GNAT3: variants seen among roughly 807,000 people sequenced by gnomAD.
GNAT3 encodes the protein G protein subunit alpha transducin 3, also known as guanine nucleotide-binding protein G(t) subunit alpha-3.
GNAT3 carries 31 observed loss-of-function variants against 37.7 expected under a neutral mutation model. That is an observed-to-expected ratio of 0.82 (90% CI 0.62 to 1.11). The LOEUF is 1.11. GNAT3 is among the 50% of genes most tolerant of loss of function. The probability of loss-of-function intolerance (pLI) is 0.00; values close to 1 mark genes in which losing one functional copy is unlikely to be tolerated. For missense variants in GNAT3, 437 were observed against 412.5 expected, an observed-to-expected ratio of 1.06 and a Z score of -0.51; for synonymous variants, 138 against 139.8, an observed-to-expected ratio of 0.99 and a Z score of 0.09.
At chr7:80,499,224 A>C (rs1790790361) in intron 1 of GNAT3, among the ~76,000 whole-genome samples, 1 of 152,220 alleles carries the variant, frequency 6.6e-6, no homozygotes, top group Non-Finnish European at 1.5e-5. Context: ...AAAGTTTCAG[A>C]TCTGTCTTCA....
chr7:80,481,061 G>T (rs1251646183), intron 3 of GNAT3, among the ~76,000 whole-genome samples: 1 of 151,880 alleles, frequency 6.6e-6, no homozygotes, highest in Non-Finnish European at 1.5e-5. Context: ...ATTGACTACA[G>T]TTTTTTTCTA....
At chr7:80,475,353 C>T (rs1790285584) in intron 4 of GNAT3, among the ~76,000 whole-genome samples, 1 of 142,154 alleles carries the variant, frequency 7.0e-6, no homozygotes. Flanking sequence ...GAGATAATGT[C>T]TTCATACTAA....
intron 3 of GNAT3, among the ~76,000 whole-genome samples, chr7:80,479,457 C>T (rs113232917): frequency 0.025 from 3,816 of 151,614 alleles, 165 homozygotes; most frequent in African/African-American, 0.086. Context: ...TGGTGGCTAA[C>T]GCCTATAATC....
chr7:80,494,664 G>A lies in GNAT3; in HGVS notation c.119-17C>T. 7.0e-7 allele frequency: 1 copy of A among 1,437,900 alleles called. No homozygotes were observed. The allele number at this position is 1,437,900 out of a possible 1,614,324, so 89.1% of individuals were successfully genotyped here. ...CTCCTGCTCCTGCAACATAAAAAGA[G>A]GAATATTATTAACTGATATACCAAA... On this transcript the variant is annotated splice_polypyrimidine_tract_variant and intron_variant, in intron 1 of 7. Transcript: ENST00000398291.
rs759644767 is a variant in GNAT3 at position 80,494,667 on chromosome 7, ATAT to A, written c.119-23_119-21del. On this transcript the variant is annotated intron_variant, in intron 1 of 7. Transcript: ENST00000398291. ...CTGCTCCTGCAACATAAAAAGAGGA[ATAT>A]TATTAACTGATATACCAAATTTGAA... is the stretch of plus-strand genomic sequence containing the variant. The A allele has an allele frequency of 1.4e-6, 2 of 1,418,774 alleles. No individual in the cohort carries two copies. The highest frequency in any genetic ancestry group is 1.9e-5 in the Admixed American group (1 of 52,844). 87.9% of individuals were successfully genotyped at this position (1,418,774 alleles called of 1,614,324 possible). A position where few individuals can be genotyped will look rare whatever the true frequency, so the allele number is the denominator to read the frequency against.
intron 1 of GNAT3, among the ~76,000 whole-genome samples, chr7:80,508,235 G>T (rs1032104253): frequency 4.6e-5 from 7 of 151,404 alleles, no homozygotes; most frequent in Admixed American, 4.6e-4. Flanking sequence ...CTTTCCATGG[G>T]GCTTCAAATC....
chr7:80,459,700 A>C (rs771793663), intron 7 of GNAT3, among the ~76,000 whole-genome samples: 29 of 152,204 alleles, frequency 1.9e-4, no homozygotes, highest in Non-Finnish European at 3.7e-4. Context: ...AGGGGACTTG[A>C]CACAGAATAG....
intron 3 of GNAT3, among the ~76,000 whole-genome samples, chr7:80,483,462 A>C (rs1790425138): frequency 2.0e-5 from 3 of 152,162 alleles, no homozygotes; most frequent in African/African-American, 7.2e-5. Context: ...TAGCTTCCTC[A>C]TAACGGCCAA....
In GNAT3 at chr7:80,511,963, G is replaced by A. The variant is rs757199175; in HGVS notation, c.-37C>T. The A allele has an allele frequency of 4.1e-6, 6 of 1,460,574 alleles. No homozygotes were observed. In the African/African-American group the frequency reaches 8.3e-5, roughly 20 times the overall value. 90.5% of individuals were successfully genotyped at this position (1,460,574 alleles called of 1,614,324 possible). A position where few individuals can be genotyped will look rare whatever the true frequency, so the allele number is the denominator to read the frequency against. On this transcript the variant is annotated 5_prime_UTR_variant, in exon 1 of 8. Transcript: ENST00000398291. ...AGATACTTGTCAGTTTATATGTTCA[G>A]ATTTTTCAAATGTTGAGCACAGCTG...
chr7:80,511,916 C>G lies in GNAT3; in HGVS notation c.11G>C (p.Gly4Ala). 1 of 1,607,560 alleles carries G rather than the reference C, an allele frequency of 6.2e-7. No homozygotes were observed. The highest frequency in any genetic ancestry group is 8.5e-7 in the Non-Finnish European group (1 of 1,175,204). The change falls in exon 1 of 8, where the codon GGA becomes GCA. Residue 4 changes from glycine (G) to alanine (A), a missense_variant. Transcript: ENST00000398291. MGS[G>A]ISSESKESAK... ...TGACTCCTTGCTCTCTGAACTAATT[C>G]CACTTCCCATCTTGTGGTGGTAGAT... is the stretch of plus-strand genomic sequence containing the variant.
At chr7:80,498,174 T>TA (rs1157927006) in intron 1 of GNAT3, among the ~76,000 whole-genome samples, 5 of 152,130 alleles carry the variant, frequency 3.3e-5, no homozygotes, top group Non-Finnish European at 7.4e-5. Context: ...CTGTACTTCA[T>TA]AAATATGGCC....
intron 2 of GNAT3, among the ~76,000 whole-genome samples, chr7:80,490,717 A>G (rs1334618958): frequency 2.0e-5 from 3 of 152,210 alleles, no homozygotes; most frequent in Non-Finnish European, 2.9e-5. Context: ...AGTAGATACA[A>G]TTATGATCTA....
intron 4 of GNAT3, among the ~76,000 whole-genome samples, chr7:80,478,112 T>C (rs980323541): frequency 4.6e-5 from 7 of 152,230 alleles, no homozygotes; most frequent in African/African-American, 1.4e-4. Context: ...GGCTTTGCCA[T>C]GTAACCCAGG....
rs149767839 is a variant in GNAT3, at chr7:80,497,561, T to C, written c.119-2914A>G. 2.0e-3 allele frequency among the ~76,000 whole-genome samples: 277 copies of C among 141,820 alleles called. 3 individuals carry two copies. Among genetic ancestry groups the C allele is most frequent in the African/African-American group, 7.0e-3 (257 of 36,612 alleles). The allele number at this position is 141,820 out of a possible 152,430, so 93.0% of individuals were successfully genotyped here. A position where few individuals can be genotyped will look rare whatever the true frequency, so the allele number is the denominator to read the frequency against. ...ATATATACACATATACGTATATACA[T>C]ATACGTATATACATATACGTATATA... is the stretch of plus-strand genomic sequence containing the variant. On this transcript the variant is annotated intron_variant, in intron 1 of 7. Transcript: ENST00000398291.
Position 80,511,887 on chromosome 7 carries a change from T to G in GNAT3, c.40A>C (p.Lys14Gln), listed in dbSNP as rs1173010829. 9 of 1,612,186 alleles carry G rather than the reference T, an allele frequency of 5.6e-6. No individual in the cohort carries two copies. Among genetic ancestry groups the G allele is most frequent in the Non-Finnish European group, 7.6e-6 (9 of 1,178,936 alleles). The change falls in exon 1 of 8, where the codon AAA becomes CAA. Residue 14 changes from lysine to glutamine, a missense_variant. Physicochemically the swap from Lys to Gln is moderately conservative, Grantham distance 53. Coordinates refer to ENST00000398291, the MANE Select transcript of GNAT3 (RefSeq NM_001102386.3). The stretch of plus-strand genomic sequence containing the variant: ...TTTTTCTCCAGTTCTTTTGATCTTT[T>G]GGCTGACTCCTTGCTCTCTGAACTA... ...GISSESKESA[K>Q]RSKELEKKLQ...
At chr7:80,508,268 T>C (rs1330888751) in intron 1 of GNAT3, among the ~76,000 whole-genome samples, 1 of 148,118 alleles carries the variant, frequency 6.8e-6, no homozygotes, top group Non-Finnish European at 1.5e-5. Flanking sequence ...GTGATGGAAA[T>C]TTGCAAAAAA....
chr7:80,479,332 C>T (rs758855245), intron 3 of GNAT3, among the ~76,000 whole-genome samples: 11 of 151,580 alleles, frequency 7.3e-5, no homozygotes, highest in Non-Finnish European at 1.3e-4. Flanking sequence ...ACATATTATA[C>T]CAAGGTAAAA....
At chr7:80,486,730 C>T (rs1790491500) in intron 3 of GNAT3, 1 of 149,934 alleles carries the variant, frequency 6.7e-6, no homozygotes, top group Non-Finnish European at 1.5e-5. Flanking sequence ...TTGCCTCAGC[C>T]TCCCAAGATG....
chr7:80,476,847 C>G (rs1470161129), intron 4 of GNAT3, among the ~76,000 whole-genome samples: 1 of 151,620 alleles, frequency 6.6e-6, no homozygotes, highest in South Asian at 2.1e-4. Flanking sequence ...TTTAAGGACA[C>G]CTAAGAGCAG....
Sources: allele counts gnomAD v4.1 joint callset (sites outside exome capture counted in the v4.1 genomes callset), GRCh38; gene constraint gnomAD v4.1.1; transcripts MANE v1.5; gene names NCBI Gene and HGNC (gene_info 2026-07-23, HGNC 2026-07-21).